RLIM: variants seen among roughly 807,000 people sequenced by gnomAD.
The protein encoded by RLIM is ring finger protein, LIM domain interacting.
Under a neutral mutation model 34.0 loss-of-function variants are expected in RLIM, and 2 were observed. The ratio of observed to expected loss-of-function variants is 0.06; its 90% CI spans 0.02 to 0.19. The LOEUF is 0.19. Among genes scored for constraint, RLIM ranks in the 10% least tolerant of loss-of-function variants. The pLI, the probability that RLIM is intolerant of heterozygous loss-of-function variation, is 1.00. For synonymous variants in RLIM, 169 were observed against 164.0 expected, an observed-to-expected ratio of 1.03 and a Z score of -0.23; for missense variants, 286 against 479.7, an observed-to-expected ratio of 0.60 and a Z score of 3.77.
At chrX:74,593,711 G>T (rs931238748) in intron 3 of RLIM, among the ~76,000 whole-genome samples, 2 of 112,399 alleles carry the variant, frequency 1.8e-5, no homozygotes, top group Non-Finnish European at 3.8e-5. Context: ...TATTATCGTA[G>T]CCTCTCAGGT....
Position 74,583,598 on chromosome X carries a change from T to C in RLIM, c.*7842A>G, listed in dbSNP as rs929826456. On this transcript the variant is annotated 3_prime_UTR_variant, in exon 4 of 4. Transcript: ENST00000332687. The stretch of plus-strand genomic sequence containing the variant: ...TGAGACTTCTGGAAATAAAACACCT[T>C]GATACCGTTTGCCCTAGGGCTGATT... 24 of 462,675 alleles carry C rather than the reference T, an allele frequency of 5.2e-5. No homozygotes were observed. In the Middle Eastern group the frequency reaches 2.4e-3, roughly 46 times the overall value. 38.1% of individuals were successfully genotyped at this position (462,675 alleles called of 1,213,427 possible). A position where few individuals can be genotyped will look rare whatever the true frequency, so the allele number is the denominator to read the frequency against.
Position 74,592,827 on chromosome X carries a change from G to C in RLIM, c.488C>G (p.Ser163Cys). 8.3e-7 allele frequency: 1 copy of C among 1,211,381 alleles called. No homozygotes were observed. The highest frequency in any genetic ancestry group is 1.1e-6 in the Non-Finnish European group (1 of 895,115). The part of the protein sequence containing the change: ...ENENEPSARR[S>C]SGENVENNSQ... ...GTTGTTTTCCACATTTTCTCCACTA[G>C]AACGTCTTGCAGATGGCTCATTTTC... Residue 163 changes from serine to cysteine, a missense_variant, in exon 4 of 4, where the codon TCT (serine) becomes TGT (cysteine). By Grantham distance (112) the Ser-to-Cys change is moderately radical. Transcript: ENST00000332687.
intron 2 of RLIM, 76 bp from the exon 3 acceptor site, chrX:74,594,465 A>G: frequency 1.6e-6 from 1 of 612,894 alleles, no homozygotes; most frequent in South Asian, 4.9e-5. Flanking sequence ...ACTCACAGTA[A>G]TCTGACACAA....
chrX:74,602,362 A>T (rs2079664830), intron 1 of RLIM, among the ~76,000 whole-genome samples: 1 of 111,377 alleles, frequency 9.0e-6, no homozygotes, highest in African/African-American at 3.3e-5. Context: ...AACCTACGAG[A>T]ATCACAAGTT....
chrX:74,588,282 C>CA lies in RLIM; in HGVS notation c.*3157dup, dbSNP rs2079596552. 1 of 111,097 alleles carries CA rather than the reference C, an allele frequency of 9.0e-6. No homozygotes were observed. Among genetic ancestry groups the CA allele is most frequent in the South Asian group, 3.8e-4 (1 of 2,644 alleles). 9.2% of individuals were successfully genotyped at this position (111,097 alleles called of 1,213,427 possible). On this transcript the variant is annotated 3_prime_UTR_variant, in exon 4 of 4. Transcript: ENST00000332687. ...GTCAGGAGTTCAAGACCAGCCTGGC[C>CA]AACACGGTGAAGTCCCCATCTCTAC...
intron 1 of RLIM, among the ~76,000 whole-genome samples, chrX:74,603,799 C>G (rs1200958047): frequency 9.0e-6 from 1 of 111,377 alleles, no homozygotes; most frequent in Non-Finnish European, 1.9e-5. Context: ...CTTATTGACT[C>G]AACATAATCA....
rs751370840 is a variant in RLIM, at chrX:74,585,670, T to C, written c.*5770A>G. ...TTAACTTTTAGCAGTTGTAAAGCAC[T>C]GTACAAAAGAAAACTGTGTACATTC... On this transcript the variant is annotated 3_prime_UTR_variant, in exon 4 of 4. Transcript: ENST00000332687. 1 of 112,431 alleles carries C rather than the reference T, an allele frequency of 8.9e-6. No individual in the cohort carries two copies. The highest frequency in any genetic ancestry group is 3.7e-4 in the South Asian group (1 of 2,732). 9.3% of individuals were successfully genotyped at this position (112,431 alleles called of 1,213,427 possible).
Position 74,586,872 on chromosome X carries a change from T to C in RLIM, c.*4568A>G, listed in dbSNP as rs1309099204. 2.7e-5 allele frequency: 3 copies of C among 111,866 alleles called. No homozygotes were observed. Among genetic ancestry groups the C allele is most frequent in the Non-Finnish European group, 3.8e-5 (2 of 53,222 alleles). 9.2% of individuals were successfully genotyped at this position (111,866 alleles called of 1,213,427 possible). On this transcript the variant is annotated 3_prime_UTR_variant, in exon 4 of 4. Transcript: ENST00000332687. The stretch of plus-strand genomic sequence containing the variant: ...ACTTTGGGAGAATGAGGCAGGCAAA[T>C]TGCCTGAGCCCAGGAGTTCAAGAAC...
chrX:74,604,070 A>G (rs1299539462), intron 1 of RLIM, among the ~76,000 whole-genome samples: 2 of 108,728 alleles, frequency 1.8e-5, no homozygotes, highest in African/African-American at 3.4e-5. Flanking sequence ...AGCTGAGATC[A>G]AGCCACTGCA....
At chrX:74,605,402 A>T (rs1230409670) in intron 1 of RLIM, among the ~76,000 whole-genome samples, 1 of 112,479 alleles carries the variant, frequency 8.9e-6, no homozygotes. Flanking sequence ...ACTCCAAATG[A>T]TCAAATACAG....
intron 1 of RLIM, among the ~76,000 whole-genome samples, chrX:74,598,553 C>A (rs781638544): frequency 9.1e-6 from 1 of 110,218 alleles, no homozygotes; most frequent in Admixed American, 9.7e-5. Flanking sequence ...CTGAGGTGGG[C>A]GGATCACGAG....
intron 1 of RLIM, among the ~76,000 whole-genome samples, chrX:74,601,107 T>C (rs974327527): frequency 3.5e-4 from 39 of 111,104 alleles, no homozygotes; most frequent in African/African-American, 1.2e-3. Flanking sequence ...TTTAAAACAC[T>C]GAATGTGAAG....
rs1291089177 is a variant in RLIM at position 74,613,634 on chromosome X, TAGG to T, written c.-24+785_-24+787del. ...CCGTCTGCAGAAGCAGAGACCCCCC[TAGG>T]CTTTTTTTTTTTTTTTTAATGGGGG... On this transcript the variant is annotated intron_variant, in intron 1 of 3. Coordinates refer to ENST00000332687, the MANE Select transcript of RLIM (RefSeq NM_016120.4). Among the ~76,000 whole-genome samples the T allele has an allele frequency of 8.1e-5, 5 of 61,700 alleles. No homozygotes were observed. In the East Asian group the frequency reaches 3.0e-3, roughly 37 times the overall value. The allele number at this position is 61,700 out of a possible 115,157, so 53.6% of individuals were successfully genotyped here. A position where few individuals can be genotyped will look rare whatever the true frequency, so the allele number is the denominator to read the frequency against.
chrX:74,583,287 T>G lies in RLIM; in HGVS notation c.*8153A>C. ...ACCGGCAAGAGTAGGGTGCATGGCT[T>G]GAATAAGAGGAAACAGCCATTCACC... is the stretch of plus-strand genomic sequence containing the variant. On this transcript the variant is annotated 3_prime_UTR_variant, in exon 4 of 4. Coordinates refer to ENST00000332687, the MANE Select transcript of RLIM (RefSeq NM_016120.4). 3.0e-6 allele frequency: 3 copies of G among 1,016,161 alleles called. No individual in the cohort carries two copies. The highest frequency in any genetic ancestry group is 4.2e-6 in the Non-Finnish European group (3 of 715,764). The allele number at this position is 1,016,161 out of a possible 1,213,427, so 83.7% of individuals were successfully genotyped here.
In RLIM at chrX:74,592,260, T is replaced by C. The variant is rs776676399; in HGVS notation, c.1055A>G (p.Asn352Ser). The C allele has an allele frequency of 5.8e-6, 7 of 1,211,562 alleles. No individual in the cohort carries two copies. The highest frequency in any genetic ancestry group is 2.2e-6 in the Non-Finnish European group (2 of 895,406). Residue 352 changes from asparagine to serine, a missense_variant, in exon 4 of 4, where the codon AAC becomes AGC. This residue lies in a region of RLIM where 121 missense variants were observed against 182.4 expected (regional missense o/e 0.66). Transcript: ENST00000332687. ...RTRSRSQTPN[N>S]TVTYESERGG... is the part of the protein sequence containing the mutation. ...TCGTTCACTTTCATAGGTGACAGTG[T>C]TGTTTGGTGTCTGAGACCTAGACCG...
chrX:74,585,629 T>C lies in RLIM; in HGVS notation c.*5811A>G, dbSNP rs1931329880. The C allele has an allele frequency of 8.9e-6, 1 of 112,342 alleles. No homozygotes were observed. Among genetic ancestry groups the C allele is most frequent in the Non-Finnish European group, 1.9e-5 (1 of 53,285 alleles). The allele number at this position is 112,342 out of a possible 1,213,427, so 9.3% of individuals were successfully genotyped here. On this transcript the variant is annotated 3_prime_UTR_variant, in exon 4 of 4. Coordinates refer to ENST00000332687, the MANE Select transcript of RLIM (RefSeq NM_016120.4). ...ATATGATTGACCTTTCAAGGTCTTG[T>C]TTTGCTTTAAACAAGTTAACTTTTA...
At chrX:74,614,377 C>T (rs1265969917) in intron 1 of RLIM, 45 bp downstream of exon 1, 1 of 112,473 alleles carries the variant, frequency 8.9e-6, no homozygotes, top group African/African-American at 3.2e-5. Context: ...CTGTCTTCCT[C>T]TCGCTCTACA....
chrX:74,600,382 G>A (rs1402312499), intron 1 of RLIM, among the ~76,000 whole-genome samples: 1 of 110,774 alleles, frequency 9.0e-6, no homozygotes, highest in Non-Finnish European at 1.9e-5. Context: ...ATTAGAAGTG[G>A]TAAAGGCAGC....
intron 1 of RLIM, among the ~76,000 whole-genome samples, chrX:74,614,033 G>A (rs2079724990): frequency 1.8e-5 from 2 of 109,565 alleles, no homozygotes; most frequent in African/African-American, 6.7e-5. Context: ...GAAAACGCGG[G>A]GAGGTCAGGG....
Sources: gnomAD v4.1 joint callset for allele counts (sites outside exome capture counted in the v4.1 genomes callset) on GRCh38, gnomAD v4.1.1 for gene constraint, gnomAD v4.1.1 regional missense constraint, MANE v1.5 for transcripts, NCBI Gene and HGNC (gene_info 2026-07-23, HGNC 2026-07-21) for gene names.